GABRQ: variants seen among roughly 807,000 people sequenced by gnomAD.
The protein encoded by GABRQ is gamma-aminobutyric acid receptor subunit theta.
Under a neutral mutation model 30.5 loss-of-function variants are expected in GABRQ, and 19 were observed. That is an observed-to-expected ratio of 0.62 (90% CI 0.43 to 0.91). The LOEUF (loss-of-function observed/expected upper bound fraction) is 0.91. GABRQ is among the 40% of genes least tolerant of loss of function. GABRQ has a pLI of 0.00. For missense variants in GABRQ, 520 were observed against 521.4 expected (o/e 1.00, Z 0.03); for synonymous variants, 187 against 210.2 (o/e 0.89, Z 0.95).
In GABRQ at chrX:152,654,309, T is replaced by G. The variant is rs1358086899; in HGVS notation, c.*1028T>G. ...TCCTTTCTATTTGTCTAGTGCATAGTAAGTGTCAACAAGCTCCCTGACCCA... is the reference window on the plus strand; with the variant it reads ...TCCTTTCTATTTGTCTAGTGCATAGGAAGTGTCAACAAGCTCCCTGACCCA... On this transcript the variant is annotated 3_prime_UTR_variant, in exon 9 of 9. Coordinates refer to ENST00000598523, the MANE Select transcript of GABRQ (RefSeq NM_018558.4). The G allele has an allele frequency of 1.8e-5, 2 of 112,016 alleles. No individual in the cohort carries two copies. The highest frequency in any genetic ancestry group is 3.8e-5 in the Non-Finnish European group (2 of 53,203). The allele number at this position is 112,016 out of a possible 1,213,427, so 9.2% of individuals were successfully genotyped here.
At chrX:152,645,684 G>C (rs1481574313) in intron 3 of GABRQ, 90 bp downstream of exon 3, 11 of 572,201 alleles carry the variant, frequency 1.9e-5, no homozygotes, top group Non-Finnish European at 3.0e-5. Context: ...GTTCTGACCT[G>C]TGACAGAACT....
chrX:152,646,858 C>CATGCACTTGTGTATGCAAGTGT, intron 3 of GABRQ, 90 bp from the exon 4 acceptor site: 1 of 559,915 alleles, frequency 1.8e-6, no homozygotes, highest in Non-Finnish European at 3.2e-6. Context: ...TACACAAGTG[C>CATGCACTTGTGTATGCAAGTGT]ATGCACACAT....
downstream of GABRQ, among the ~76,000 whole-genome samples, chrX:152,658,231 T>C (rs1004975621): frequency 8.9e-6 from 1 of 111,755 alleles, no homozygotes; most frequent in Admixed American, 9.4e-5. Context: ...TGTCTCTCCC[T>C]GGCCCCTGAC....
intron 4 of GABRQ, among the ~76,000 whole-genome samples, chrX:152,647,551 T>C (rs1376176503): frequency 1.8e-5 from 2 of 112,152 alleles, no homozygotes; most frequent in Admixed American, 1.9e-4. Context: ...CATTCTGTTC[T>C]TTATCTTTGT....
Position 152,652,918 on chromosome X carries a change from TG to T in GABRQ, c.1538del (p.Gly513AlafsTer180). 1 of 1,211,492 alleles carries T rather than the reference TG, an allele frequency of 8.3e-7. No homozygotes were observed. ...SLSSDERHGH[G>X]PSGKPMLHHG... ...TGAGCTCGGATGAGCGCCATGGCCA[TG>T]GCCCCAGTGGGAAGCCCATGCTTCA... On this transcript the variant is annotated frameshift_variant, in exon 9 of 9. Transcript: ENST00000598523. LOFTEE classifies it low-confidence loss of function (END_TRUNC).
At chrX:152,641,837 C>A (rs1930765554) in intron 2 of GABRQ, among the ~76,000 whole-genome samples, 1 of 112,389 alleles carries the variant, frequency 8.9e-6, no homozygotes, top group African/African-American at 3.2e-5. Context: ...GCACCAAGCA[C>A]CAATGGGTGA....
At chrX:152,639,702 C>G (rs1463420993) in intron 1 of GABRQ, among the ~76,000 whole-genome samples, 1 of 111,810 alleles carries the variant, frequency 8.9e-6, no homozygotes, top group Non-Finnish European at 1.9e-5. Context: ...GCTCTGAGCC[C>G]CAAGAATCTG....
chrX:152,650,391 G>C (rs1556819967), intron 6 of GABRQ, 37 bp from the exon 7 acceptor site: 6 of 1,180,125 alleles, frequency 5.1e-6, no homozygotes, highest in Non-Finnish European at 6.9e-6. Context: ...ATGCGCCTCA[G>C]CCCTGCCACC....
rs1930730931 is a variant in GABRQ, at chrX:152,640,447, C to T, written c.219C>T (p.Arg73=). Residue 73 remains arginine, a synonymous_variant, in exon 2 of 9, where the codon CGC becomes CGT. Coordinates refer to ENST00000598523, the MANE Select transcript of GABRQ (RefSeq NM_018558.4). ...GGGTGCTGTCAAGATACGATGTCCG[C>T]CTGAGACCGAATTTTGGAGGTAAGG... ...LDRVLSRYDV[R]LRPNFGGAPV... 1 of 1,177,902 alleles carries T rather than the reference C, an allele frequency of 8.5e-7. No individual in the cohort carries two copies. The highest frequency in any genetic ancestry group is 1.8e-5 in the South Asian group (1 of 56,032).
rs1299258529 is a variant in GABRQ, at chrX:152,652,436, C to T, written c.1159-105C>T. ...CTCTATCTGTCAAAGAGATCAGTAA[C>T]ATTACAAGTGCTGATGAGGGAAGTC... On this transcript the variant is annotated intron_variant, in intron 8 of 8. Coordinates refer to ENST00000598523, the MANE Select transcript of GABRQ (RefSeq NM_018558.4). The T allele has an allele frequency of 4.4e-5, 30 of 685,841 alleles. 1 individual carries two copies. In the East Asian group the frequency reaches 9.7e-4, roughly 22 times the overall value. The allele number at this position is 685,841 out of a possible 1,213,427, so 56.5% of individuals were successfully genotyped here.
At chrX:152,638,470 G>A (rs1336907393) in intron 1 of GABRQ, 119 bp downstream of exon 1, 17 of 716,896 alleles carry the variant, frequency 2.4e-5, no homozygotes, top group Non-Finnish European at 3.1e-5. Flanking sequence ...ACTCGGACCC[G>A]GGCTCGCTGA....
rs781924997 is a variant in GABRQ at position 152,640,471 on chromosome X, G to A, written c.238+5G>A. 8 of 1,095,904 alleles carry A rather than the reference G, an allele frequency of 7.3e-6. No homozygotes were observed. In the Admixed American group the frequency reaches 1.7e-4, roughly 24 times the overall value. The allele number at this position is 1,095,904 out of a possible 1,213,427, so 90.3% of individuals were successfully genotyped here. ...GCCTGAGACCGAATTTTGGAGGTAA[G>A]GCATATCCAGACACTAGAGAACTTG... On this transcript the variant is annotated splice_donor_5th_base_variant and intron_variant, in intron 2 of 8. Coordinates refer to ENST00000598523, the MANE Select transcript of GABRQ (RefSeq NM_018558.4).
At chrX:152,658,239 G>T (rs1337193812), downstream of GABRQ, among the ~76,000 whole-genome samples, 1 of 111,526 alleles carries the variant, frequency 9.0e-6, no homozygotes, top group African/African-American at 3.3e-5. Context: ...CCTGGCCCCT[G>T]ACCAGCTAGC....
chrX:152,652,550 A>G lies in GABRQ; in HGVS notation c.1168A>G (p.Ile390Val), dbSNP rs2075426018. 3.3e-6 allele frequency: 4 copies of G among 1,204,612 alleles called. No individual in the cohort carries two copies. The South Asian group carries it at 5.4e-5, about 16-fold the overall frequency. The change falls in exon 9 of 9, where the codon ATT (isoleucine) becomes GTT (valine). Residue 390 changes from isoleucine to valine, a missense_variant. Transcript: ENST00000598523. The stretch of plus-strand genomic sequence containing the variant: ...CATTATCTCCTCAAAGGATGGCCTG[A>G]TTAACGTGGAAGACGGAGTCAGCTC... ...VVVGNVQDGLINVEDGVSSLP... is the reference protein window; with the variant it reads ...VVVGNVQDGLVNVEDGVSSLP...
intron 7 of GABRQ, among the ~76,000 whole-genome samples, chrX:152,650,954 C>G (rs923357649): frequency 1.8e-4 from 20 of 111,453 alleles, no homozygotes; most frequent in Non-Finnish European, 7.5e-5. Context: ...GAGAGCAGCA[C>G]AAAGACATCC....
chrX:152,651,689 T>C lies in GABRQ; in HGVS notation c.1065T>C (p.Ser355=). The C allele has an allele frequency of 8.3e-7, 1 of 1,209,658 alleles. No homozygotes were observed. Among genetic ancestry groups the C allele is most frequent in the Non-Finnish European group, 1.1e-6 (1 of 893,580 alleles). ...EYVYINYLFY[S]RGPRRQPRRH... is the part of the protein sequence containing the mutation. ...TCTACATCAACTATCTTTTCTACAGTCGAGGACCTCGGCGCCAGCCTAGGC... is the reference window on the plus strand; with the variant it reads ...TCTACATCAACTATCTTTTCTACAGCCGAGGACCTCGGCGCCAGCCTAGGC... Residue 355 remains serine, a synonymous_variant, in exon 8 of 9, where the codon AGT becomes AGC. Transcript: ENST00000598523.
chrX:152,648,291 C>T (rs782770052), intron 4 of GABRQ, among the ~76,000 whole-genome samples: 2 of 110,999 alleles, frequency 1.8e-5, no homozygotes, highest in Admixed American at 9.5e-5. Context: ...GTTATCTTCT[C>T]TCCCACTGGA....
At chrX:152,646,186 A>G (rs1384116666) in intron 3 of GABRQ, among the ~76,000 whole-genome samples, 2 of 112,798 alleles carry the variant, frequency 1.8e-5, no homozygotes, top group Non-Finnish European at 3.7e-5. Context: ...TATGAAACAT[A>G]TGAAAAGACG....
At chrX:152,640,079 C>T (rs935067774) in intron 1 of GABRQ, among the ~76,000 whole-genome samples, 5 of 111,091 alleles carry the variant, frequency 4.5e-5, no homozygotes, top group African/African-American at 1.6e-4. Context: ...TCCCCTTCTC[C>T]TACCGCCTCC....
Sources: gnomAD v4.1 joint callset for allele counts (sites outside exome capture counted in the v4.1 genomes callset) on GRCh38, gnomAD v4.1.1 for gene constraint, MANE v1.5 for transcripts, NCBI Gene and HGNC (gene_info 2026-07-23, HGNC 2026-07-21) for gene names.